Variants in RPH3A observed in about 807,000 individuals in gnomAD.
The protein encoded by RPH3A is rabphilin-3A.
A neutral mutation model predicts 102.2 loss-of-function variants in RPH3A; 48 were observed. The observed-to-expected ratio is 0.47, with a 90% CI of 0.37 to 0.60. The LOEUF (loss-of-function observed/expected upper bound fraction) is 0.60. RPH3A is among the 20% of genes least tolerant of loss of function. The pLI is 0.00. For synonymous variants in RPH3A, 310 were observed against 324.3 expected (o/e 0.96, Z 0.47); for missense variants, 781 against 910.1 (o/e 0.86, Z 1.83).
At chr12:112,710,934 T>A (rs1019313919) in intron 1 of RPH3A, among the ~76,000 whole-genome samples, 2 of 152,192 alleles carry the variant, frequency 1.3e-5, no homozygotes, top group Admixed American at 1.3e-4. Context: ...ATTTGTTGAA[T>A]GAATAAGTGA....
chr12:112,782,144 C>A (rs150174072), intron 1 of RPH3A, among the ~76,000 whole-genome samples: 248 of 152,348 alleles, frequency 1.6e-3, no homozygotes, highest in Middle Eastern at 6.8e-3. Context: ...GCAGGCCCTT[C>A]AGCATTTATT....
intron 1 of RPH3A, among the ~76,000 whole-genome samples, chr12:112,677,744 C>G (rs1438163592): frequency 6.6e-6 from 1 of 152,036 alleles, no homozygotes. Flanking sequence ...GCAAGGCACA[C>G]AGCCCAGAGC....
chr12:112,615,763 T>A (rs886936589), intron 1 of RPH3A, among the ~76,000 whole-genome samples: 2 of 152,176 alleles, frequency 1.3e-5, no homozygotes, highest in African/African-American at 4.8e-5. Context: ...GAAATTCAAG[T>A]TGGCTGTCCC....
chr12:112,786,099 A>G (rs745607936), intron 1 of RPH3A, among the ~76,000 whole-genome samples: 14 of 152,214 alleles, frequency 9.2e-5, no homozygotes, highest in Non-Finnish European at 1.6e-4. Flanking sequence ...CAAGGTCCCA[A>G]ACTGGGAAGT....
chr12:112,843,305 G>T (rs2042176695), intron 4 of RPH3A, among the ~76,000 whole-genome samples: 1 of 152,188 alleles, frequency 6.6e-6, no homozygotes, highest in African/African-American at 2.4e-5. Context: ...ATTAAAACAT[G>T]AAAATCCACA....
chr12:112,661,870 C>G (rs1011504570), intron 1 of RPH3A, among the ~76,000 whole-genome samples: 1 of 152,138 alleles, frequency 6.6e-6, no homozygotes, highest in Non-Finnish European at 1.5e-5. Flanking sequence ...CCACCCACCC[C>G]CCAAATAAAA....
At chr12:112,808,522 C>T (rs1468323531) in intron 2 of RPH3A, among the ~76,000 whole-genome samples, 1 of 152,152 alleles carries the variant, frequency 6.6e-6, no homozygotes, top group Non-Finnish European at 1.5e-5. Flanking sequence ...GGCAACAAGC[C>T]CTCAGCCTCC....
chr12:112,836,455 A>G, intron 3 of RPH3A, 36 bp from the exon 4 acceptor site: 1 of 1,290,242 alleles, frequency 7.8e-7, no homozygotes, highest in South Asian at 1.3e-5. Context: ...AACTTTATTC[A>G]TTTTTTCTTT....
At chr12:112,650,718 A>C (rs1392471810) in intron 1 of RPH3A, 1 of 151,736 alleles carries the variant, frequency 6.6e-6, no homozygotes. Flanking sequence ...GAAGTAATAG[A>C]TACTTGTTTA....
At chr12:112,873,920 A>G (rs1400683874) in intron 10 of RPH3A, 1 of 152,214 alleles carries the variant, frequency 6.6e-6, no homozygotes, top group African/African-American at 2.4e-5. Flanking sequence ...TAGCACAGGG[A>G]TTGGCACTTG....
chr12:112,687,169 A>T (rs1428067106), intron 1 of RPH3A, among the ~76,000 whole-genome samples: 2 of 152,150 alleles, frequency 1.3e-5, no homozygotes, highest in African/African-American at 4.8e-5. Context: ...GGTTGAAACA[A>T]ATAGGGTTTA....
intron 1 of RPH3A, among the ~76,000 whole-genome samples, chr12:112,774,632 T>C (rs536385154): frequency 6.6e-6 from 1 of 152,346 alleles, no homozygotes; most frequent in East Asian, 1.9e-4. Flanking sequence ...CCTTTGCACA[T>C]GGATGAAGCT....
chr12:112,879,693 T>C (rs1243468752), intron 14 of RPH3A, among the ~76,000 whole-genome samples: 2 of 151,592 alleles, frequency 1.3e-5, no homozygotes, highest in African/African-American at 4.9e-5. Flanking sequence ...CCTGGGGGAG[T>C]GAGCTGACTT....
At chr12:112,719,544 C>G (rs539381900) in intron 1 of RPH3A, among the ~76,000 whole-genome samples, 2 of 152,260 alleles carry the variant, frequency 1.3e-5, no homozygotes, top group Admixed American at 1.3e-4. Context: ...TAATGGTCTT[C>G]CCCAGTAGAT....
chr12:112,647,198 C>G lies in RPH3A; in HGVS notation c.-140+71879C>G, dbSNP rs372801075. The stretch of plus-strand genomic sequence containing the variant: ...TGAAGATATCCTTAACAAAATCTGT[C>G]TCATCTTTACCAATACCATGACAAT... On this transcript the variant is annotated intron_variant, in intron 1 of 21. Coordinates refer to the RPH3A transcript ENST00000543106. 5.1e-4 allele frequency among the ~76,000 whole-genome samples: 77 copies of G among 152,206 alleles called. 1 individual carries two copies. Among genetic ancestry groups the G allele is most frequent in the African/African-American group, 1.6e-3 (68 of 41,526 alleles).
intron 20 of RPH3A, among the ~76,000 whole-genome samples, chr12:112,894,969 G>A (rs999569897): frequency 2.6e-5 from 4 of 152,074 alleles, no homozygotes; most frequent in African/African-American, 4.8e-5. Context: ...TTGGATTACC[G>A]GGAATTGGGG....
At chr12:112,810,036 T>C (rs2099874140) in intron 2 of RPH3A, among the ~76,000 whole-genome samples, 1 of 152,196 alleles carries the variant, frequency 6.6e-6, no homozygotes, top group African/African-American at 2.4e-5. Flanking sequence ...ACAAGAACTA[T>C]GTGAAAAAGT....
intron 3 of RPH3A, among the ~76,000 whole-genome samples, chr12:112,832,623 C>G (rs1000819361): frequency 6.6e-6 from 1 of 152,182 alleles, no homozygotes; most frequent in Non-Finnish European, 1.5e-5. Context: ...AGGAGTATCA[C>G]TTAAGGCCAG....
intron 3 of RPH3A, among the ~76,000 whole-genome samples, chr12:112,832,118 T>C (rs1322886351): frequency 6.6e-6 from 1 of 152,158 alleles, no homozygotes; most frequent in Non-Finnish European, 1.5e-5. Context: ...TCTCTCTCAC[T>C]TTTTTCTTTG....
Sources: allele counts gnomAD v4.1 joint callset (sites outside exome capture counted in the v4.1 genomes callset), GRCh38; gene constraint gnomAD v4.1.1; transcripts MANE v1.5; gene names NCBI Gene and HGNC (gene_info 2026-07-23, HGNC 2026-07-21).